Variants in GPR146 observed in about 807,000 individuals in gnomAD.
GPR146 encodes G protein-coupled receptor 146.
For missense variants in GPR146, 381 were observed against 213.9 expected (o/e 1.78, Z -4.87); for synonymous variants, 203 against 104.3 (o/e 1.95, Z -5.77).
At chr7:1,053,294 G>A (rs567690412) in intron 1 of GPR146, among the ~76,000 whole-genome samples, 5 of 152,386 alleles carry the variant, frequency 3.3e-5, no homozygotes, top group East Asian at 1.9e-4. Flanking sequence ...TCACTCGGAC[G>A]CAGGTGTGGC....
chr7:1,047,373 G>A (rs1177762789), intron 1 of GPR146, among the ~76,000 whole-genome samples: 1 of 152,234 alleles, frequency 6.6e-6, no homozygotes, highest in East Asian at 1.9e-4. Context: ...GTTTGGAATT[G>A]TAAAAAGCAA....
intron 1 of GPR146, among the ~76,000 whole-genome samples, chr7:1,049,116 T>C (rs1383080478): frequency 6.6e-6 from 1 of 152,198 alleles, no homozygotes; most frequent in African/African-American, 2.4e-5. Flanking sequence ...CACAGGTGCG[T>C]CCTGGGGGCT....
chr7:1,051,812 A>G (rs1437123879), intron 1 of GPR146, among the ~76,000 whole-genome samples: 2 of 152,174 alleles, frequency 1.3e-5, no homozygotes, highest in Non-Finnish European at 2.9e-5. Context: ...TGTCTCAAAA[A>G]ACGTTAAATG....
At chr7:1,046,316 T>C (rs1298794074) in intron 1 of GPR146, among the ~76,000 whole-genome samples, 5 of 152,106 alleles carry the variant, frequency 3.3e-5, no homozygotes, top group Admixed American at 2.6e-4. Flanking sequence ...AGAAGGAAAT[T>C]ATCACCCAGA....
At position 1,052,372 on chromosome 7, in the gene GPR146, C is replaced by G. The variant is rs577918487; in HGVS notation, c.-24-5120C>G. ...GCCTTGGGGCTGCTTGTGCTGGCAC[C>G]GACGTGGGCCTGGGGAGGGACCTGT... is the stretch of plus-strand genomic sequence containing the variant. On this transcript the variant is annotated intron_variant, in intron 1 of 1. Transcript: ENST00000444847. The surrounding 1 kb of genome is among the most constrained non-coding windows in gnomAD (Gnocchi z 4.2). Among the ~76,000 whole-genome samples, 5 of 152,082 alleles carry G rather than the reference C, an allele frequency of 3.3e-5. No individual in the cohort carries two copies. The highest frequency in any genetic ancestry group is 7.4e-5 in the Non-Finnish European group (5 of 68,018).
Position 1,058,416 on chromosome 7 carries a change from C to T in GPR146, c.901C>T (p.Gln301Ter), listed in dbSNP as rs1160804804. Reference protein sequence around the residue: ...VTPLLYRYMNQSFPSKLQRLM... With the variant: ...VTPLLYRYMN The stretch of plus-strand genomic sequence containing the variant: ...ACCACTTCTCTACCGCTACATGAAC[C>T]AGAGCTTCCCCAGCAAGCTCCAACG... Residue 301 changes from glutamine (Q) to a stop codon, truncating the protein, a stop_gained, in exon 2 of 2, where the codon CAG becomes TAG. Transcript: ENST00000444847. LOFTEE classifies it low-confidence loss of function (END_TRUNC). 1 of 780,748 alleles carries T rather than the reference C, an allele frequency of 1.3e-6. No homozygotes were observed. Among genetic ancestry groups the T allele is most frequent in the East Asian group, 2.4e-5 (1 of 41,258 alleles). The allele number at this position is 780,748 out of a possible 1,614,324, so 48.4% of individuals were successfully genotyped here. A position where few individuals can be genotyped will look rare whatever the true frequency, so the allele number is the denominator to read the frequency against.
chr7:1,047,080 G>A (rs11770909), intron 1 of GPR146, among the ~76,000 whole-genome samples: 16,234 of 152,154 alleles, frequency 0.11, 1,152 homozygotes, highest in Middle Eastern at 0.2. Context: ...GTTTTTCCCT[G>A]GTCTGATGTA....
At position 1,057,486 on chromosome 7, in the gene GPR146, C is replaced by T. The variant is rs1359113545; in HGVS notation, c.-24-6C>T. 2.7e-6 allele frequency: 2 copies of T among 735,680 alleles called. No homozygotes were observed. Among genetic ancestry groups the T allele is most frequent in the South Asian group, 2.9e-5 (2 of 68,108 alleles). 45.6% of individuals were successfully genotyped at this position (735,680 alleles called of 1,614,324 possible). On this transcript the variant is annotated splice_region_variant and splice_polypyrimidine_tract_variant and intron_variant, in intron 1 of 1. Transcript: ENST00000444847. Reference sequence around the variant, plus strand: ...CGAGCTGACCACCTGTTCCTTCTTTCCGCAGGGTCGCGGAGCCTCGCCGGC... The same window carrying T: ...CGAGCTGACCACCTGTTCCTTCTTTTCGCAGGGTCGCGGAGCCTCGCCGGC...
At position 1,044,572 on chromosome 7, in the gene GPR146, C is replaced by T. The variant is rs948932475; in HGVS notation, c.-111C>T. ...GTCACGTGTGTACACAGGGCCCGGG[C>T]GGCGTGCGCGCCGTGAGCCCCGCCG... On this transcript the variant is annotated 5_prime_UTR_variant, in exon 1 of 2. Coordinates refer to ENST00000444847, the MANE Select transcript of GPR146 (RefSeq NM_001303473.2). 2.0e-5 allele frequency: 3 copies of T among 150,656 alleles called. No individual in the cohort carries two copies. Among genetic ancestry groups the T allele is most frequent in the Non-Finnish European group, 4.4e-5 (3 of 67,516 alleles). 9.3% of individuals were successfully genotyped at this position (150,656 alleles called of 1,614,324 possible).
chr7:1,057,238 C>A (rs543807189), intron 1 of GPR146, among the ~76,000 whole-genome samples: 40 of 152,294 alleles, frequency 2.6e-4, no homozygotes, highest in African/African-American at 9.4e-4. Context: ...GAATGTGGGG[C>A]ACACCAGGCT....
intron 1 of GPR146, among the ~76,000 whole-genome samples, chr7:1,049,789 C>T (rs998671897): frequency 1.3e-5 from 2 of 152,198 alleles, no homozygotes; most frequent in South Asian, 2.1e-4. Flanking sequence ...AGTTTTAGGA[C>T]TGTTTTCGGT....
chr7:1,055,474 CA>C (rs1310921235), intron 1 of GPR146: 1 of 458,726 alleles, frequency 2.2e-6, no homozygotes, highest in Non-Finnish European at 4.4e-6. Context: ...GCTTGGGCCA[CA>C]AAGTAAAGGT....
intron 1 of GPR146, among the ~76,000 whole-genome samples, chr7:1,049,960 C>T (rs568679387): frequency 1.2e-4 from 19 of 152,304 alleles, no homozygotes; most frequent in African/African-American, 4.6e-4. Flanking sequence ...CCCACCCCAC[C>T]CCAACAAGGA....
At chr7:1,046,987 A>G (rs1404725417) in intron 1 of GPR146, among the ~76,000 whole-genome samples, 2 of 152,240 alleles carry the variant, frequency 1.3e-5, no homozygotes, top group Non-Finnish European at 2.9e-5. Context: ...GCAGGTGCCA[A>G]GCCTGCCCAG....
chr7:1,047,671 G>A (rs1009907830), intron 1 of GPR146, among the ~76,000 whole-genome samples: 3 of 152,198 alleles, frequency 2.0e-5, no homozygotes, highest in African/African-American at 7.2e-5. Context: ...TGGCAGGTTC[G>A]GCCAGGAGCT....
intron 1 of GPR146, among the ~76,000 whole-genome samples, chr7:1,054,800 C>T (rs550696323): frequency 9.8e-5 from 15 of 152,348 alleles, no homozygotes; most frequent in East Asian, 1.9e-4. Flanking sequence ...CTTCTGTGCA[C>T]GGAGACACCA....
At position 1,058,372 on chromosome 7, in the gene GPR146, T is replaced by C. The variant is rs763861811; in HGVS notation, c.857T>C (p.Phe286Ser). The C allele has an allele frequency of 1.3e-6, 1 of 780,388 alleles. No individual in the cohort carries two copies. The highest frequency in any genetic ancestry group is 2.4e-6 in the Non-Finnish European group (1 of 418,116). 48.3% of individuals were successfully genotyped at this position (780,388 alleles called of 1,614,324 possible). A position where few individuals can be genotyped will look rare whatever the true frequency, so the allele number is the denominator to read the frequency against. ...AAGGATTTCTCCAAACTCCTGGCCT[T>C]CTCCAGCAGCTTTGTGACACCACTT... Reference protein sequence around the residue: ...FVKDFSKLLAFSSSFVTPLLY... With the variant: ...FVKDFSKLLASSSSFVTPLLY... The change falls in exon 2 of 2, where the codon TTC becomes TCC. Residue 286 changes from phenylalanine to serine, a missense_variant. Transcript: ENST00000444847.
intron 1 of GPR146, among the ~76,000 whole-genome samples, chr7:1,054,445 G>T (rs1783510827): frequency 6.6e-6 from 1 of 152,252 alleles, no homozygotes; most frequent in African/African-American, 2.4e-5. Context: ...CTGGAGGCCG[G>T]CGTTCCCAGG....
chr7:1,058,731 T>C lies in GPR146; in HGVS notation c.*214T>C, dbSNP rs1784151759. On this transcript the variant is annotated 3_prime_UTR_variant, in exon 2 of 2. Transcript: ENST00000444847. ...ATCTGGCTTGAGTCTCCCCGAGGCC[T>C]GTGCGTCTCCCAAACACGCAGCTCA... is the stretch of plus-strand genomic sequence containing the variant. The C allele has an allele frequency of 5.1e-6, 3 of 583,234 alleles. No homozygotes were observed. Among genetic ancestry groups the C allele is most frequent in the Non-Finnish European group, 9.4e-6 (3 of 320,720 alleles). The allele number at this position is 583,234 out of a possible 1,614,324, so 36.1% of individuals were successfully genotyped here.
Sources: gnomAD v4.1 joint callset for allele counts (sites outside exome capture counted in the v4.1 genomes callset) on GRCh38, gnomAD v4.1.1 for gene constraint, Gnocchi (gnomAD v3.1) non-coding constraint, MANE v1.5 for transcripts, NCBI Gene and HGNC (gene_info 2026-07-23, HGNC 2026-07-21) for gene names.